Variants in KCNQ2 observed in about 807,000 individuals in gnomAD.
KCNQ2 encodes potassium voltage-gated channel subfamily KQT member 2.
A neutral mutation model predicts 84.8 loss-of-function variants in KCNQ2; 14 were observed. The observed-to-expected ratio is 0.17, with a 90% CI of 0.11 to 0.26. The LOEUF (loss-of-function observed/expected upper bound fraction) is 0.26. Among genes scored for constraint, KCNQ2 ranks in the 10% least tolerant of loss-of-function variants. The probability of loss-of-function intolerance (pLI) is 1.00; values close to 1 mark genes in which losing one functional copy is unlikely to be tolerated. For synonymous variants in KCNQ2, 599 were observed against 554.1 expected (o/e 1.08, Z -1.14); for missense variants, 788 against 1,254.0 (o/e 0.63, Z 5.61).
rs551884791 is a variant in KCNQ2, at chr20:63,472,083, G to A, written c.296+85C>T. 897 of 1,051,066 alleles carry A rather than the reference G, an allele frequency of 8.5e-4. 2 individuals carry two copies. The East Asian group carries it at 0.011, about 13-fold the overall frequency. 65.1% of individuals were successfully genotyped at this position (1,051,066 alleles called of 1,614,324 possible). ...CCAGGGGCAGGGAGCCAAACCCGCC[G>A]CAGCCAGCCTGGCCGGGGTCGCCGA... On this transcript the variant is annotated intron_variant, in intron 1 of 16. Transcript: ENST00000359125.
intron 5 of KCNQ2, among the ~76,000 whole-genome samples, 181 bp downstream of exon 5, chr20:63,442,225 C>G (rs1442760130): frequency 1.3e-5 from 2 of 150,482 alleles, no homozygotes; most frequent in African/African-American, 2.4e-5. Context: ...TCCCCACCCA[C>G]TCCCCCGCCA....
Position 63,460,519 on chromosome 20 carries a change from C to T in KCNQ2, c.296+11649G>A, listed in dbSNP as rs1026961562. On this transcript the variant is annotated intron_variant, in intron 1 of 16. Coordinates refer to ENST00000359125, the MANE Select transcript of KCNQ2 (RefSeq NM_172107.4). This position sits in a 1 kb window ranked among gnomAD's most constrained non-coding sequence, Gnocchi z 5.4. The stretch of plus-strand genomic sequence containing the variant: ...CAGGCCAGTGCCCTCAGCTGGTCCA[C>T]GGCTCACAGCTCCAGTCCCTGGCCC... Among the ~76,000 whole-genome samples, 1 of 151,928 alleles carries T rather than the reference C, an allele frequency of 6.6e-6. No homozygotes were observed. The highest frequency in any genetic ancestry group is 1.5e-5 in the Non-Finnish European group (1 of 67,958).
chr20:63,466,384 T>C (rs1347135076), intron 1 of KCNQ2: 1 of 152,026 alleles, frequency 6.6e-6, no homozygotes, highest in Non-Finnish European at 1.5e-5. Flanking sequence ...ACCCACGACC[T>C]GGCCCTCAAC....
chr20:63,436,702 G>A (rs1048611947), intron 7 of KCNQ2, among the ~76,000 whole-genome samples: 9 of 152,028 alleles, frequency 5.9e-5, no homozygotes, highest in African/African-American at 9.7e-5. Flanking sequence ...GTGAAAGTAC[G>A]TGCAGTGTTT....
At position 63,444,791 on chromosome 20, in the gene KCNQ2, G is replaced by A; in HGVS notation, c.558C>T (p.Gly186=). ...LIASIAVLAA[G]SQGNVFATSA... ...ATGTGGCAAAGACGTTGCCCTGGGA[G>A]CCGGCGGCCAGCACCGCAATGGAGG... is the stretch of plus-strand genomic sequence containing the variant. Residue 186 remains glycine (G), a synonymous_variant, in exon 4 of 17, where the codon GGC becomes GGT. Coordinates refer to ENST00000359125, the MANE Select transcript of KCNQ2 (RefSeq NM_172107.4). 1 of 1,608,094 alleles carries A rather than the reference G, an allele frequency of 6.2e-7. No individual in the cohort carries two copies. Among genetic ancestry groups the A allele is most frequent in the Non-Finnish European group, 8.5e-7 (1 of 1,177,860 alleles).
At chr20:63,427,284 T>C (rs2080662040) in intron 10 of KCNQ2, among the ~76,000 whole-genome samples, 1 of 152,256 alleles carries the variant, frequency 6.6e-6, no homozygotes, top group African/African-American at 2.4e-5. Flanking sequence ...GTGTGTGTGA[T>C]TGCAGGTGTG....
In KCNQ2 at chr20:63,433,879, T is replaced by TCTCCA; in HGVS notation, c.1047_1048insTGGAG (p.Asn350TrpfsTer41). ...GAGTGCAGGTCTGTGCGCGAGAGGTTGGTGGCGTAGAATCTCCAGGCCGAC... is the reference window on the plus strand; with the variant it reads ...GAGTGCAGGTCTGTGCGCGAGAGGTTCTCCAGGTGGCGTAGAATCTCCAGGCCGAC... On this transcript the variant is annotated frameshift_variant, in exon 8 of 17. Transcript: ENST00000359125. LOFTEE classifies it high-confidence loss of function. 6.2e-7 allele frequency: 1 copy of TCTCCA among 1,613,736 alleles called. No homozygotes were observed. Among genetic ancestry groups the TCTCCA allele is most frequent in the Non-Finnish European group, 8.5e-7 (1 of 1,179,888 alleles).
In KCNQ2 at chr20:63,419,885, G is replaced by GT. The variant is rs139786707; in HGVS notation, c.1248-214dup. Among the ~76,000 whole-genome samples the GT allele has an allele frequency of 0.13, 20,046 of 150,010 alleles. 2,639 individuals carry two copies. Among genetic ancestry groups the GT allele is most frequent in the East Asian group, 0.57 (2,926 of 5,116 alleles). ...CTATTTCTGAAGGAAAAAAATCCCT[G>GT]TTTTTTTTTTCCTCCAAAAATACCT... On this transcript the variant is annotated intron_variant, in intron 11 of 16. Coordinates refer to ENST00000359125, the MANE Select transcript of KCNQ2 (RefSeq NM_172107.4).
At chr20:63,424,244 C>G (rs1382140861) in intron 10 of KCNQ2, 38 bp from the exon 11 acceptor site, 29 of 1,551,828 alleles carry the variant, frequency 1.9e-5, no homozygotes, top group Non-Finnish European at 2.5e-5. Flanking sequence ...TGGCCGCCCA[C>G]TCAGCACCCA....
chr20:63,462,063 G>A (rs1353223441), intron 1 of KCNQ2, among the ~76,000 whole-genome samples: 11 of 124,272 alleles, frequency 8.9e-5, no homozygotes, highest in South Asian at 3.2e-4. Flanking sequence ...GGAGCAGGGA[G>A]GAGGCTGCAC....
chr20:63,446,333 A>G lies in KCNQ2; in HGVS notation c.387+414T>C. The G allele has an allele frequency of 3.6e-6, 1 of 280,706 alleles. No individual in the cohort carries two copies. The highest frequency in any genetic ancestry group is 6.9e-6 in the Non-Finnish European group (1 of 144,280). 17.4% of individuals were successfully genotyped at this position (280,706 alleles called of 1,614,324 possible). ...ACACAGGAACTGCACTCCCGTTGCC[A>G]TGGCGCCCACCCTGCCCTGGCACAG... On this transcript the variant is annotated intron_variant, in intron 2 of 16. Coordinates refer to ENST00000359125, the MANE Select transcript of KCNQ2 (RefSeq NM_172107.4). The surrounding 1 kb of genome is among the most constrained non-coding windows in gnomAD (Gnocchi z 5.5).
chr20:63,434,236 G>A (rs1363847343), intron 7 of KCNQ2: 4 of 344,196 alleles, frequency 1.2e-5, no homozygotes, highest in Non-Finnish European at 2.1e-5. Context: ...GGTATCACCT[G>A]TCCTGGGGGT....
chr20:63,416,656 C>T (rs1160697672), intron 12 of KCNQ2, among the ~76,000 whole-genome samples: 4 of 152,162 alleles, frequency 2.6e-5, no homozygotes, highest in Non-Finnish European at 4.4e-5. Context: ...CAGTGCCTCA[C>T]GGGCTCCCTG....
Position 63,425,476 on chromosome 20 carries a change from T to C in KCNQ2, c.1218-1270A>G, listed in dbSNP as rs1258749432. On this transcript the variant is annotated intron_variant, in intron 10 of 16. Coordinates refer to ENST00000359125, the MANE Select transcript of KCNQ2 (RefSeq NM_172107.4). This position sits in a 1 kb window ranked among gnomAD's most constrained non-coding sequence, Gnocchi z 5.5. ...GGCTCACACCTGTAATCCCAGCACT[T>C]TGGGAGGCCGAGGCGGGTGGATCAC... Among the ~76,000 whole-genome samples, 4 of 152,002 alleles carry C rather than the reference T, an allele frequency of 2.6e-5. No homozygotes were observed. Among genetic ancestry groups the C allele is most frequent in the Non-Finnish European group, 4.4e-5 (3 of 67,994 alleles).
chr20:63,454,457 CT>C (rs2081714169), intron 1 of KCNQ2, among the ~76,000 whole-genome samples: 1 of 152,220 alleles, frequency 6.6e-6, no homozygotes, highest in South Asian at 2.1e-4. Context: ...CGGGGTGCGT[CT>C]GGGCCCGTCT....
In KCNQ2 at chr20:63,400,577, T is replaced by C; in HGVS notation, c.*6067A>G. 1 of 398,602 alleles carries C rather than the reference T, an allele frequency of 2.5e-6. No individual in the cohort carries two copies. Among genetic ancestry groups the C allele is most frequent in the Non-Finnish European group, 4.4e-6 (1 of 226,012 alleles). 24.7% of individuals were successfully genotyped at this position (398,602 alleles called of 1,614,324 possible). A position where few individuals can be genotyped will look rare whatever the true frequency, so the allele number is the denominator to read the frequency against. On this transcript the variant is annotated 3_prime_UTR_variant, in exon 17 of 17. Coordinates refer to ENST00000359125, the MANE Select transcript of KCNQ2 (RefSeq NM_172107.4). This position sits in a 1 kb window ranked among gnomAD's most constrained non-coding sequence, Gnocchi z 8.7. ...AATGGTCAGAAGTGTACGTCGGTAC[T>C]GAAGGCATTATGAAATGTTCTTTGG...
Position 63,408,409 on chromosome 20 carries a change from G to A in KCNQ2, c.1887+4C>T, listed in dbSNP as rs749272827. The A allele has an allele frequency of 5.6e-6, 9 of 1,606,904 alleles. No individual in the cohort carries two copies. The highest frequency in any genetic ancestry group is 2.7e-5 in the African/African-American group (2 of 74,780). On this transcript the variant is annotated splice_donor_region_variant and intron_variant, in intron 16 of 16. Coordinates refer to ENST00000359125, the MANE Select transcript of KCNQ2 (RefSeq NM_172107.4). The surrounding 1 kb of genome is among the most constrained non-coding windows in gnomAD (Gnocchi z 5.0). ...CCGCACCCCTCCCGCCCAGCCTCTC[G>A]CACCTGCTTCTCCACCTTCCCGAGC...
At chr20:63,445,172 C>T (rs1032420579) in intron 3 of KCNQ2, 66 bp downstream of exon 3, 29 of 1,610,694 alleles carry the variant, frequency 1.8e-5, no homozygotes, top group Non-Finnish European at 2.4e-5. Flanking sequence ...CAGCTCCCCC[C>T]AGGGCTGAGT....
At chr20:63,439,816 A>C (rs1392026503) in intron 5 of KCNQ2, 108 bp from the exon 6 acceptor site, 1 of 821,982 alleles carries the variant, frequency 1.2e-6, no homozygotes, top group Non-Finnish European at 2.1e-6. Flanking sequence ...ATGCGGGGCC[A>C]CCCCCGTGTC....
Sources: allele counts gnomAD v4.1 joint callset (sites outside exome capture counted in the v4.1 genomes callset), GRCh38; gene constraint gnomAD v4.1.1; non-coding constraint Gnocchi (gnomAD v3.1); transcripts MANE v1.5; gene names NCBI Gene and HGNC (gene_info 2026-07-23, HGNC 2026-07-21).